CYP20A1: variants seen among roughly 807,000 people sequenced by gnomAD.
The protein encoded by CYP20A1 is cytochrome P450 family 20 subfamily A member 1.
In CYP20A1, 61 loss-of-function variants were observed where a neutral mutation model predicts 61.4. The observed-to-expected ratio is 0.99, with a 90% CI of 0.81 to 1.23. CYP20A1 has a LOEUF of 1.23. Among genes scored for constraint, CYP20A1 ranks in the 50% most tolerant of loss-of-function variants. The pLI is 0.00. For missense variants in CYP20A1, 530 were observed against 542.4 expected, an observed-to-expected ratio of 0.98 and a Z score of 0.23; for synonymous variants, 193 against 188.2, an observed-to-expected ratio of 1.03 and a Z score of -0.21.
At chr2:203,255,704 C>A (rs1161097555) in intron 4 of CYP20A1, among the ~76,000 whole-genome samples, 1 of 152,136 alleles carries the variant, frequency 6.6e-6, no homozygotes, top group African/African-American at 2.4e-5. Flanking sequence ...TTTAGCCTGG[C>A]TACTTTTCCA....
In CYP20A1 at chr2:203,245,831, CTT is replaced by C; in HGVS notation, c.73-7_73-6del. 2 of 1,542,840 alleles carry C rather than the reference CTT, an allele frequency of 1.3e-6. No homozygotes were observed. Among genetic ancestry groups the C allele is most frequent in the Admixed American group, 1.7e-5 (1 of 57,918 alleles). ...ATATATGATAATTCATTATTATAAA[CTT>C]TTTTTTTGTAAGGCTTCCAGACAAG... On this transcript the variant is annotated splice_polypyrimidine_tract_variant and intron_variant, in intron 1 of 12. Transcript: ENST00000356079.
chr2:203,284,481 T>G (rs887957284), intron 8 of CYP20A1, among the ~76,000 whole-genome samples: 1 of 152,220 alleles, frequency 6.6e-6, no homozygotes, highest in Non-Finnish European at 1.5e-5. Flanking sequence ...CTTTACATTT[T>G]CATTTCTTCT....
At chr2:203,250,835 C>T (rs545959400) in intron 3 of CYP20A1, among the ~76,000 whole-genome samples, 25 of 152,014 alleles carry the variant, frequency 1.6e-4, no homozygotes, top group African/African-American at 5.8e-4. Context: ...GAGGCCGAGG[C>T]GGGCGGATCA....
chr2:203,280,247 C>A, intron 8 of CYP20A1, 134 bp downstream of exon 8: 1 of 574,390 alleles, frequency 1.7e-6, no homozygotes, highest in Non-Finnish European at 2.8e-6. Flanking sequence ...TGGAGGCCAG[C>A]TCAGAAAACA....
intron 1 of CYP20A1, among the ~76,000 whole-genome samples, chr2:203,243,253 C>T (rs933165520): frequency 1.3e-5 from 2 of 151,668 alleles, no homozygotes; most frequent in South Asian, 2.1e-4. Flanking sequence ...AAGCGATTCT[C>T]CCACCTCATC....
intron 6 of CYP20A1, among the ~76,000 whole-genome samples, chr2:203,273,084 A>C (rs2067673111): frequency 6.6e-6 from 1 of 152,110 alleles, no homozygotes; most frequent in Admixed American, 6.6e-5. Context: ...TGACCTTGTG[A>C]TCTGCCTGCC....
chr2:203,287,868 T>C (rs913242439), intron 9 of CYP20A1, among the ~76,000 whole-genome samples: 2 of 152,110 alleles, frequency 1.3e-5, no homozygotes, highest in African/African-American at 4.8e-5. Context: ...TCTCCTGTCC[T>C]GGCTTTTGCA....
chr2:203,272,913 T>C (rs2067665157), intron 6 of CYP20A1, among the ~76,000 whole-genome samples, 165 bp downstream of exon 6: 1 of 151,498 alleles, frequency 6.6e-6, no homozygotes, highest in African/African-American at 2.4e-5. Context: ...AGTGGTGCGA[T>C]CTCGGCCACA....
intron 9 of CYP20A1, among the ~76,000 whole-genome samples, chr2:203,289,196 C>G (rs1217864633): frequency 6.6e-6 from 1 of 152,120 alleles, no homozygotes; most frequent in African/African-American, 2.4e-5. Flanking sequence ...AGTTGAGTAT[C>G]ATTTCATATG....
At chr2:203,253,098 C>T (rs1188285193) in intron 4 of CYP20A1, among the ~76,000 whole-genome samples, 4 of 152,026 alleles carry the variant, frequency 2.6e-5, no homozygotes, top group East Asian at 1.9e-4. Flanking sequence ...TATGAATTGA[C>T]GAGCCACTCT....
intron 4 of CYP20A1, among the ~76,000 whole-genome samples, chr2:203,255,185 G>A (rs552449114): frequency 5.3e-5 from 8 of 151,600 alleles, no homozygotes; most frequent in South Asian, 4.2e-4. Context: ...GTATTTTCCC[G>A]TGCTTTGCAG....
chr2:203,241,586 G>T (rs1233809348), intron 1 of CYP20A1, among the ~76,000 whole-genome samples: 1 of 152,210 alleles, frequency 6.6e-6, no homozygotes, highest in Non-Finnish European at 1.5e-5. Context: ...TTAAGCAGAA[G>T]AGGATAATCA....
intron 1 of CYP20A1, among the ~76,000 whole-genome samples, chr2:203,242,213 T>C (rs2066277842): frequency 6.6e-6 from 1 of 152,166 alleles, no homozygotes; most frequent in East Asian, 1.9e-4. Context: ...CTCGAACTTC[T>C]GGGCTGAAGT....
chr2:203,252,715 A>G (rs79443852), intron 4 of CYP20A1, among the ~76,000 whole-genome samples: 1 of 151,906 alleles, frequency 6.6e-6, no homozygotes, highest in African/African-American at 2.4e-5. Context: ...CCTTATTCCC[A>G]CTACACCTCT....
At chr2:203,243,890 G>A (rs372823757) in intron 1 of CYP20A1, among the ~76,000 whole-genome samples, 3 of 151,478 alleles carry the variant, frequency 2.0e-5, no homozygotes, top group East Asian at 2.0e-4. Context: ...GGGTTTCCCC[G>A]TGTTGCACAA....
Position 203,280,101 on chromosome 2 carries a change from A to G in CYP20A1, c.838A>G (p.Ile280Val), listed in dbSNP as rs371111502. The G allele has an allele frequency of 5.2e-5, 83 of 1,606,248 alleles. No homozygotes were observed. The highest frequency in any genetic ancestry group is 6.7e-5 in the Non-Finnish European group (79 of 1,176,330). ...GATATTTTCTCTGGCCAGTTGCATA[A>G]TAACTGCAAAATGTAAGTATAAATT... Reference protein sequence around the residue: ...SMIFSLASCIITAKLCTWAIC... With the variant: ...SMIFSLASCIVTAKLCTWAIC... The change falls in exon 8 of 13, where the codon ATA becomes GTA. Residue 280 changes from isoleucine to valine, a missense_variant. Ile to Val is a conservative substitution (Grantham distance 29). Transcript: ENST00000356079.
intron 4 of CYP20A1, among the ~76,000 whole-genome samples, chr2:203,257,065 C>T (rs1235247088): frequency 6.6e-6 from 1 of 151,468 alleles, no homozygotes; most frequent in Non-Finnish European, 1.5e-5. Flanking sequence ...GTTGGGGTCT[C>T]ACCATGTCGC....
intron 8 of CYP20A1, among the ~76,000 whole-genome samples, chr2:203,281,774 C>G (rs1294993386): frequency 6.6e-6 from 1 of 151,966 alleles, no homozygotes; most frequent in Non-Finnish European, 1.5e-5. Context: ...GCACTCCAGC[C>G]TGGGTGACAG....
At chr2:203,255,706 A>G (rs1408804580) in intron 4 of CYP20A1, among the ~76,000 whole-genome samples, 1 of 152,140 alleles carries the variant, frequency 6.6e-6, no homozygotes, top group East Asian at 1.9e-4. Flanking sequence ...TAGCCTGGCT[A>G]CTTTTCCAGC....
Sources: gnomAD v4.1 joint callset for allele counts (sites outside exome capture counted in the v4.1 genomes callset) on GRCh38, gnomAD v4.1.1 for gene constraint, MANE v1.5 for transcripts, NCBI Gene and HGNC (gene_info 2026-07-23, HGNC 2026-07-21) for gene names.